The following F13A1 variants were observed in gnomAD, a reference collection of about 807,000 sequenced individuals.
The protein encoded by F13A1 is coagulation factor XIII A chain, also known as FSF, A subunit.
Under a neutral mutation model 80.1 loss-of-function variants are expected in F13A1, and 47 were observed. The observed-to-expected ratio is 0.59, with a 90% confidence interval of 0.46 to 0.75. F13A1 has a LOEUF of 0.75. F13A1 is among the 30% of genes least tolerant of loss of function. The pLI is 0.00. For synonymous variants in F13A1, 349 were observed against 344.9 expected, an observed-to-expected ratio of 1.01 and a Z score of -0.13; for missense variants, 817 against 930.4, an observed-to-expected ratio of 0.88 and a Z score of 1.59.
rs1760597937 is a variant in F13A1 at position 6,162,805 on chromosome 6, T to C, written c.1908+4653A>G. The stretch of plus-strand genomic sequence containing the variant: ...AAGCCAACAGAGGTGAAATGATCTG[T>C]CCAGGTTTACACAGTTATGATGTTC... On this transcript the variant is annotated intron_variant, in intron 13 of 14. Coordinates refer to ENST00000264870, the MANE Select transcript of F13A1 (RefSeq NM_000129.4). This position sits in a 1 kb window ranked among gnomAD's most constrained non-coding sequence, Gnocchi z 4.2. 6.6e-6 allele frequency among the ~76,000 whole-genome samples: 1 copy of C among 152,188 alleles called. No individual in the cohort carries two copies. Among genetic ancestry groups the C allele is most frequent in the African/African-American group, 2.4e-5 (1 of 41,444 alleles).
chr6:6,145,781 A>G lies in F13A1; in HGVS notation c.2046-9T>C, dbSNP rs1760266885. ...AGTTGGGCCGGATTTCACTGAAAGG[A>G]TGGAAAAGAGAGGAGAGGTTGGAAG... is the stretch of plus-strand genomic sequence containing the variant. On this transcript the variant is annotated splice_polypyrimidine_tract_variant and intron_variant, in intron 14 of 14. Coordinates refer to ENST00000264870, the MANE Select transcript of F13A1 (RefSeq NM_000129.4). 6.2e-7 allele frequency: 1 copy of G among 1,613,832 alleles called. No homozygotes were observed. Among genetic ancestry groups the G allele is most frequent in the Non-Finnish European group, 8.5e-7 (1 of 1,179,928 alleles).
chr6:6,258,554 G>A (rs539037164), intron 4 of F13A1, among the ~76,000 whole-genome samples: 1 of 152,210 alleles, frequency 6.6e-6, no homozygotes, highest in South Asian at 2.1e-4. Flanking sequence ...GAAACACCTT[G>A]TAAAGACCTT....
chr6:6,273,877 C>T (rs998378610), intron 3 of F13A1, among the ~76,000 whole-genome samples: 5 of 152,072 alleles, frequency 3.3e-5, no homozygotes, highest in Non-Finnish European at 7.4e-5. Context: ...TACCAGGTTA[C>T]CAGCTACAAA....
chr6:6,266,869 A>C, intron 3 of F13A1, 60 bp from the exon 4 acceptor site: 18 of 1,609,280 alleles, frequency 1.1e-5, no homozygotes, highest in Non-Finnish European at 1.4e-5. Context: ...TTTTGTTCTC[A>C]CTCTGTTATC....
chr6:6,196,101 C>T (rs1761286780), intron 9 of F13A1, among the ~76,000 whole-genome samples: 1 of 152,356 alleles, frequency 6.6e-6, no homozygotes, highest in South Asian at 2.1e-4. Flanking sequence ...CAAGGCAACA[C>T]TATTCCTGCA....
At chr6:6,313,530 A>T (rs1055558991) in intron 2 of F13A1, among the ~76,000 whole-genome samples, 47 of 152,322 alleles carry the variant, frequency 3.1e-4, no homozygotes, top group African/African-American at 1.1e-3. Flanking sequence ...TCAGAGAATG[A>T]TTATACCTGT....
At chr6:6,154,615 A>T (rs1760442888) in intron 13 of F13A1, among the ~76,000 whole-genome samples, 1 of 152,238 alleles carries the variant, frequency 6.6e-6, no homozygotes, top group Non-Finnish European at 1.5e-5. Flanking sequence ...ACTGGTATAG[A>T]CAAAACATGT....
chr6:6,180,553 A>T (rs1760961795), intron 11 of F13A1, among the ~76,000 whole-genome samples: 1 of 152,178 alleles, frequency 6.6e-6, no homozygotes, highest in Admixed American at 6.5e-5. Context: ...TTTTTTGCTT[A>T]TAACTCTACA....
At chr6:6,230,833 A>G (rs1254943079) in intron 6 of F13A1, among the ~76,000 whole-genome samples, 1 of 152,176 alleles carries the variant, frequency 6.6e-6, no homozygotes, top group African/African-American at 2.4e-5. Context: ...GTAGACCCAG[A>G]AGAGAGACAA....
At chr6:6,182,215 G>C in intron 10 of F13A1, 74 bp from the exon 11 acceptor site, 1 of 1,537,152 alleles carries the variant, frequency 6.5e-7, no homozygotes, top group Non-Finnish European at 8.9e-7. Context: ...TGTCCATAGA[G>C]CAGTCGTCTA....
intron 8 of F13A1, 116 bp from the exon 9 acceptor site, chr6:6,197,442 G>T: frequency 1.1e-6 from 1 of 920,272 alleles, no homozygotes; most frequent in Non-Finnish European, 1.7e-6. Flanking sequence ...CAATTTGGGA[G>T]GCCAAGGCAG....
intron 6 of F13A1, among the ~76,000 whole-genome samples, chr6:6,246,918 A>C (rs1199411818): frequency 6.6e-6 from 1 of 152,232 alleles, no homozygotes; most frequent in Non-Finnish European, 1.5e-5. Context: ...TGGTAACTTC[A>C]AAGAAGAAAA....
chr6:6,182,612 C>T (rs1253406408), intron 10 of F13A1, among the ~76,000 whole-genome samples: 1 of 152,192 alleles, frequency 6.6e-6, no homozygotes, highest in Non-Finnish European at 1.5e-5. Context: ...TGTCCTTCCC[C>T]TTCTGCTTTC....
chr6:6,281,943 G>A (rs1235974615), intron 3 of F13A1, among the ~76,000 whole-genome samples: 5 of 142,422 alleles, frequency 3.5e-5, no homozygotes, highest in African/African-American at 7.8e-5. Context: ...TCAGTGAGCC[G>A]AGATCATGCC....
intron 3 of F13A1, among the ~76,000 whole-genome samples, chr6:6,287,343 G>A (rs1255672531): frequency 6.6e-6 from 1 of 152,180 alleles, no homozygotes; most frequent in Non-Finnish European, 1.5e-5. Flanking sequence ...GCGCTTTCTG[G>A]TGGAGTACAG....
chr6:6,296,925 A>G (rs1183117826), intron 3 of F13A1, among the ~76,000 whole-genome samples: 3 of 147,846 alleles, frequency 2.0e-5, no homozygotes, highest in Non-Finnish European at 3.0e-5. Flanking sequence ...CATCCCATCA[A>G]TACCTAATTT....
In F13A1 at chr6:6,145,386, A is replaced by C. The variant is rs1760258271; in HGVS notation, c.*233T>G. On this transcript the variant is annotated 3_prime_UTR_variant, in exon 15 of 15. Coordinates refer to ENST00000264870, the MANE Select transcript of F13A1 (RefSeq NM_000129.4). Reference sequence around the variant, plus strand: ...AGCTATGAGAGCTTAATTAAAGCTAATGCTTAGCACTCTTTGGAAGGTGGA... The same window carrying C: ...AGCTATGAGAGCTTAATTAAAGCTACTGCTTAGCACTCTTTGGAAGGTGGA... 3.5e-6 allele frequency: 2 copies of C among 569,364 alleles called. No homozygotes were observed. Among genetic ancestry groups the C allele is most frequent in the African/African-American group, 3.8e-5 (2 of 53,310 alleles). The allele number at this position is 569,364 out of a possible 1,614,324, so 35.3% of individuals were successfully genotyped here.
At chr6:6,312,753 T>A (rs1758623904) in intron 2 of F13A1, among the ~76,000 whole-genome samples, 1 of 151,732 alleles carries the variant, frequency 6.6e-6, no homozygotes, top group African/African-American at 2.4e-5. Context: ...AAAATAAAAC[T>A]TGGCTAAGAA....
chr6:6,267,838 CT>C (rs764379162), intron 3 of F13A1, among the ~76,000 whole-genome samples: 2 of 152,190 alleles, frequency 1.3e-5, no homozygotes, highest in African/African-American at 2.4e-5. Context: ...TGAAAGCACT[CT>C]TTGTACCTGT....
Sources: gnomAD v4.1 joint callset for allele counts (sites outside exome capture counted in the v4.1 genomes callset) on GRCh38, gnomAD v4.1.1 for gene constraint, Gnocchi (gnomAD v3.1) non-coding constraint, MANE v1.5 for transcripts, NCBI Gene and HGNC (gene_info 2026-07-23, HGNC 2026-07-21) for gene names.